Variants in EXOC4 observed in about 807,000 individuals in gnomAD.
EXOC4 encodes SEC8-like 1.
Under a neutral mutation model 107.2 loss-of-function variants are expected in EXOC4, and 71 were observed. The observed-to-expected ratio is 0.66, with a 90% CI of 0.55 to 0.81. The LOEUF (loss-of-function observed/expected upper bound fraction) is 0.81. EXOC4 is among the 30% of genes least tolerant of loss of function. EXOC4 has a pLI of 0.00. For missense variants in EXOC4, 1,108 were observed against 1,189.6 expected (o/e 0.93, Z 1.01); for synonymous variants, 456 against 441.2 (o/e 1.03, Z -0.42).
At position 133,390,549 on chromosome 7, in the gene EXOC4, T is replaced by C. The variant is rs185075634; in HGVS notation, c.1182+15547T>C. Among the ~76,000 whole-genome samples the C allele has an allele frequency of 6.3e-3, 963 of 152,164 alleles. 10 individuals carry two copies. Among genetic ancestry groups the C allele is most frequent in the African/African-American group, 0.022 (918 of 41,514 alleles). On this transcript the variant is annotated intron_variant, in intron 7 of 17. Transcript: ENST00000253861. ...GCGGGGCCAGCTATAGGGAAAGACC[T>C]TGGGGTTGAAGGGATTTGATAGACT...
intron 10 of EXOC4, among the ~76,000 whole-genome samples, chr7:133,770,178 C>T (rs1290755717): frequency 2.0e-5 from 3 of 151,856 alleles, no homozygotes; most frequent in Admixed American, 6.6e-5. Context: ...TCACTTAACT[C>T]GTGCTAAGCA....
intron 10 of EXOC4, among the ~76,000 whole-genome samples, chr7:133,795,946 C>A (rs1054031234): frequency 2.6e-5 from 4 of 152,170 alleles, no homozygotes; most frequent in African/African-American, 9.7e-5. Context: ...ATCATATTTA[C>A]TCTTCTTAGA....
chr7:133,427,606 T>G (rs575044811), intron 7 of EXOC4, among the ~76,000 whole-genome samples: 24 of 152,288 alleles, frequency 1.6e-4, no homozygotes, highest in Admixed American at 1.3e-4. Flanking sequence ...TACAAGTGCG[T>G]TGGGGTGCAG....
At chr7:133,391,711 A>G (rs1796857508) in intron 7 of EXOC4, among the ~76,000 whole-genome samples, 1 of 152,244 alleles carries the variant, frequency 6.6e-6, no homozygotes, top group Non-Finnish European at 1.5e-5. Context: ...AGTGCACTTT[A>G]GAGGAATTAC....
At chr7:133,879,050 A>T (rs1322093487) in intron 11 of EXOC4, among the ~76,000 whole-genome samples, 1 of 152,066 alleles carries the variant, frequency 6.6e-6, no homozygotes, top group Non-Finnish European at 1.5e-5. Context: ...TCTTAGTACC[A>T]ATGGATAACC....
intron 6 of EXOC4, among the ~76,000 whole-genome samples, chr7:133,367,711 T>C (rs763610337): frequency 7.2e-5 from 11 of 152,212 alleles, no homozygotes; most frequent in Non-Finnish European, 1.5e-4. Context: ...TTCAGTTTCC[T>C]TGTCTATAAA....
intron 9 of EXOC4, among the ~76,000 whole-genome samples, chr7:133,490,981 T>A (rs1399212523): frequency 6.6e-6 from 1 of 152,216 alleles, no homozygotes; most frequent in African/African-American, 2.4e-5. Context: ...GCACAACCTA[T>A]TTCTAAAGTA....
intron 10 of EXOC4, among the ~76,000 whole-genome samples, chr7:133,686,588 T>C (rs1365440811): frequency 2.0e-5 from 3 of 152,248 alleles, no homozygotes; most frequent in East Asian, 3.9e-4. Context: ...AAAGAACATA[T>C]ACAAATTGCC....
At chr7:133,286,917 G>A (rs1794292236) in intron 2 of EXOC4, among the ~76,000 whole-genome samples, 1 of 152,194 alleles carries the variant, frequency 6.6e-6, no homozygotes, top group Admixed American at 6.5e-5. Flanking sequence ...GGCCAATGCT[G>A]TGGGGGAGGA....
At chr7:133,613,347 T>C (rs2150998876) in intron 9 of EXOC4, among the ~76,000 whole-genome samples, 1 of 152,312 alleles carries the variant, frequency 6.6e-6, no homozygotes, top group East Asian at 1.9e-4. Context: ...AGTCACCTCC[T>C]GTTGCTGATA....
intron 9 of EXOC4, among the ~76,000 whole-genome samples, chr7:133,528,700 A>G (rs1800125333): frequency 6.6e-6 from 1 of 152,158 alleles, no homozygotes; most frequent in Non-Finnish European, 1.5e-5. Context: ...TATAAACCTA[A>G]AACTGCTCTA....
At chr7:133,947,877 A>G (rs1800592796) in intron 14 of EXOC4, among the ~76,000 whole-genome samples, 1 of 152,232 alleles carries the variant, frequency 6.6e-6, no homozygotes, top group South Asian at 2.1e-4. Context: ...GAATGATTTT[A>G]TCTTCAAGCA....
intron 17 of EXOC4, among the ~76,000 whole-genome samples, chr7:134,011,533 C>G (rs1202475016): frequency 3.3e-5 from 5 of 151,866 alleles, no homozygotes; most frequent in African/African-American, 1.2e-4. Context: ...ATCTTTCATT[C>G]TTAAACCTGC....
intron 10 of EXOC4, among the ~76,000 whole-genome samples, chr7:133,783,362 C>T (rs1161500896): frequency 5.3e-5 from 8 of 152,214 alleles, no homozygotes; most frequent in African/African-American, 1.9e-4. Context: ...AGATCATCAT[C>T]TCATAACCCA....
intron 10 of EXOC4, among the ~76,000 whole-genome samples, chr7:133,648,032 A>G (rs757600949): frequency 6.6e-6 from 1 of 152,208 alleles, no homozygotes; most frequent in Non-Finnish European, 1.5e-5. Flanking sequence ...AGTTGGGCCA[A>G]TTTAGAAGAA....
At chr7:133,923,066 C>T (rs1002587478) in intron 13 of EXOC4, among the ~76,000 whole-genome samples, 2 of 149,928 alleles carry the variant, frequency 1.3e-5, no homozygotes, top group African/African-American at 4.9e-5. Flanking sequence ...ATACAGTATG[C>T]ATATGTTGAG....
chr7:133,687,639 G>A (rs966135090), intron 10 of EXOC4, among the ~76,000 whole-genome samples: 2 of 152,086 alleles, frequency 1.3e-5, no homozygotes, highest in African/African-American at 2.4e-5. Context: ...TTTGGCTGTA[G>A]CACCTGACTG....
Position 134,049,127 on chromosome 7 carries a change from G to C in EXOC4, c.2688-15164G>C, listed in dbSNP as rs75146615. 5.1e-4 allele frequency among the ~76,000 whole-genome samples: 78 copies of C among 152,232 alleles called. 3 individuals carry two copies. In the East Asian group the frequency reaches 0.014, roughly 27 times the overall value. ...ACTTTGTGAGTTTCTCATAAATAAT[G>C]ACTAAAAGTTTCTGAGTTTCCCACA... On this transcript the variant is annotated intron_variant, in intron 17 of 17. Transcript: ENST00000253861.
chr7:133,725,540 T>G (rs1188182973), intron 10 of EXOC4, among the ~76,000 whole-genome samples: 2 of 152,110 alleles, frequency 1.3e-5, no homozygotes, highest in African/African-American at 4.8e-5. Context: ...CACATCCAGC[T>G]AATTTTTGTA....
Sources: gnomAD v4.1 joint callset for allele counts (sites outside exome capture counted in the v4.1 genomes callset) on GRCh38, gnomAD v4.1.1 for gene constraint, MANE v1.5 for transcripts, NCBI Gene and HGNC (gene_info 2026-07-23, HGNC 2026-07-21) for gene names.